BIRC6: variants seen among roughly 807,000 people sequenced by gnomAD.
The protein encoded by BIRC6 is baculoviral IAP repeat containing 6, also known as dual E2 ubiquitin-conjugating enzyme/E3 ubiquitin-protein ligase BIRC6.
A neutral mutation model predicts 503.3 loss-of-function variants in BIRC6; 98 were observed. The observed-to-expected ratio is 0.19, with a 90% confidence interval of 0.17 to 0.23. The LOEUF is 0.23. BIRC6 is among the 10% of genes least tolerant of loss of function. BIRC6 has a pLI of 1.00. For synonymous variants in BIRC6, 2,240 were observed against 2,078.7 expected (o/e 1.08, Z -2.11); for missense variants, 5,360 against 5,806.0 (o/e 0.92, Z 2.50).
At chr2:32,369,322 T>TA (rs1056900464) in intron 1 of BIRC6, among the ~76,000 whole-genome samples, 1 of 152,130 alleles carries the variant, frequency 6.6e-6, no homozygotes, top group Non-Finnish European at 1.5e-5. Flanking sequence ...ATATGAGCTC[T>TA]AAATAGAAAT....
intron 65 of BIRC6, among the ~76,000 whole-genome samples, chr2:32,559,318 T>G (rs111471961): frequency 6.2e-4 from 95 of 152,356 alleles, no homozygotes; most frequent in African/African-American, 2.2e-3. Context: ...ATTTGGTGCT[T>G]GCTGAGTAAA....
At chr2:32,424,351 G>T (rs1402057518) in intron 10 of BIRC6, among the ~76,000 whole-genome samples, 1 of 151,860 alleles carries the variant, frequency 6.6e-6, no homozygotes, top group African/African-American at 2.4e-5. Context: ...CTACTGTAAG[G>T]GGTGACTATT....
At chr2:32,453,298 A>G (rs1477704878) in intron 22 of BIRC6, among the ~76,000 whole-genome samples, 1 of 152,186 alleles carries the variant, frequency 6.6e-6, no homozygotes, top group Non-Finnish European at 1.5e-5. Flanking sequence ...AACTGATAAT[A>G]TGAACAAAAT....
Position 32,479,727 on chromosome 2 carries a change from T to C in BIRC6, c.7408+110T>C, listed in dbSNP as rs1028645883. 13 of 1,004,612 alleles carry C rather than the reference T, an allele frequency of 1.3e-5. No individual in the cohort carries two copies. In the Middle Eastern group the frequency reaches 9.2e-4, roughly 71 times the overall value. 62.2% of individuals were successfully genotyped at this position (1,004,612 alleles called of 1,614,324 possible). A position where few individuals can be genotyped will look rare whatever the true frequency, so the allele number is the denominator to read the frequency against. On this transcript the variant is annotated intron_variant, in intron 37 of 73. Transcript: ENST00000421745. ...GATTTTTATATTTTTCTATTAGTTC[T>C]TTGGCCTTATAAACTAGATCCATTA...
intron 57 of BIRC6, chr2:32,522,437 A>C (rs757002679): frequency 6.6e-6 from 1 of 152,144 alleles, no homozygotes; most frequent in Non-Finnish European, 1.5e-5. Flanking sequence ...GCAGCTTTTA[A>C]TCTAAGGCAA....
chr2:32,598,544 A>T (rs2061824189), intron 69 of BIRC6, among the ~76,000 whole-genome samples: 1 of 152,176 alleles, frequency 6.6e-6, no homozygotes, highest in Admixed American at 6.5e-5. Context: ...TTTTATGTTT[A>T]ACACGTGATA....
intron 45 of BIRC6, 22 bp from the exon 46 acceptor site, chr2:32,499,499 ATCTCTCTCTCTCTCTCTTTTTCTGTC>A (rs1381776811): frequency 8.1e-7 from 1 of 1,236,254 alleles, no homozygotes; most frequent in Non-Finnish European, 1.1e-6. Flanking sequence ...CTCTTGTTGT[ATCTCTCTCTCTCTCTCTTTTTCTGTC>A]TCTCTCTCTC....
At chr2:32,574,831 C>T in intron 65 of BIRC6, 1 of 347,700 alleles carries the variant, frequency 2.9e-6, no homozygotes, top group Admixed American at 4.2e-5. Flanking sequence ...TCACTATAGT[C>T]TCCGCCTCCC....
chr2:32,497,830 A>G (rs1308694549), intron 45 of BIRC6, among the ~76,000 whole-genome samples: 2 of 151,980 alleles, frequency 1.3e-5, no homozygotes, highest in Admixed American at 6.6e-5. Flanking sequence ...TTGATTTTAG[A>G]CCTTTCTTTT....
chr2:32,380,390 C>A, intron 3 of BIRC6, 100 bp downstream of exon 3: 1 of 1,382,802 alleles, frequency 7.2e-7, no homozygotes. Flanking sequence ...TGTTCTAATT[C>A]TAGATTTTTC....
At chr2:32,454,612 A>G (rs544436844) in intron 23 of BIRC6, among the ~76,000 whole-genome samples, 2 of 152,182 alleles carry the variant, frequency 1.3e-5, no homozygotes, top group Non-Finnish European at 2.9e-5. Flanking sequence ...GAAGGGTTTG[A>G]CTGTTGTCTT....
At chr2:32,464,397 AG>A in intron 24 of BIRC6, 111 bp from the exon 25 acceptor site, 1 of 1,252,658 alleles carries the variant, frequency 8.0e-7, no homozygotes, top group Non-Finnish European at 1.1e-6. Flanking sequence ...TTCATCTTTA[AG>A]TATGATCAAT....
chr2:32,557,219 T>C (rs2058846229), intron 65 of BIRC6: 1 of 152,216 alleles, frequency 6.6e-6, no homozygotes, highest in African/African-American at 2.4e-5. Flanking sequence ...TGTTCATTAA[T>C]GCTAACTAAA....
intron 68 of BIRC6, among the ~76,000 whole-genome samples, chr2:32,596,222 G>T (rs552243109): frequency 4.9e-4 from 75 of 151,928 alleles, no homozygotes; most frequent in Non-Finnish European, 9.0e-4. Context: ...GGTGGCTCAC[G>T]CCTGTAATCC....
intron 9 of BIRC6, among the ~76,000 whole-genome samples, chr2:32,410,484 T>A (rs543739064): frequency 5.3e-5 from 8 of 152,328 alleles, no homozygotes; most frequent in African/African-American, 1.9e-4. Flanking sequence ...TACTGAAAAT[T>A]TTTTTCTGCT....
chr2:32,447,725 T>A (rs1574278380), intron 21 of BIRC6, among the ~76,000 whole-genome samples: 4 of 66,820 alleles, frequency 6.0e-5, no homozygotes, highest in East Asian at 6.1e-4. Context: ...ACCTCCCTCC[T>A]GGTCGGGGCG....
chr2:32,507,857 T>C, intron 50 of BIRC6, 123 bp from the exon 51 acceptor site: 2 of 847,684 alleles, frequency 2.4e-6, no homozygotes, highest in Non-Finnish European at 3.4e-6. Flanking sequence ...GTTGTATAAG[T>C]TTTCCTTTTA....
intron 45 of BIRC6, among the ~76,000 whole-genome samples, chr2:32,497,450 C>T (rs564937908): frequency 2.0e-5 from 3 of 152,302 alleles, no homozygotes; most frequent in Admixed American, 2.0e-4. Flanking sequence ...TGTATTGTCA[C>T]TTACTTAAGT....
At chr2:32,402,406 C>T (rs2040706120) in intron 8 of BIRC6, among the ~76,000 whole-genome samples, 1 of 152,150 alleles carries the variant, frequency 6.6e-6, no homozygotes, top group African/African-American at 2.4e-5. Flanking sequence ...CATTTCACTT[C>T]CAGGGGCTCC....
Sources: allele counts gnomAD v4.1 joint callset (sites outside exome capture counted in the v4.1 genomes callset), GRCh38; gene constraint gnomAD v4.1.1; transcripts MANE v1.5; gene names NCBI Gene and HGNC (gene_info 2026-07-23, HGNC 2026-07-21).